Variants in ZHX1 observed in about 807,000 individuals in gnomAD.
The protein encoded by ZHX1 is zinc fingers and homeoboxes 1.
ZHX1 carries 20 observed loss-of-function variants against 61.8 expected under a neutral mutation model. That is an observed-to-expected ratio of 0.32 (90% CI 0.23 to 0.47). The LOEUF (loss-of-function observed/expected upper bound fraction) is 0.47. Ranked by LOEUF, ZHX1 falls within the 20% of genes least tolerant of loss-of-function variation. ZHX1 has a pLI of 1.00. For missense variants in ZHX1, 800 were observed against 1,034.8 expected (o/e 0.77, Z 3.11); for synonymous variants, 318 against 352.6 (o/e 0.90, Z 1.10).
chr8:123,270,785 CA>C (rs57900168), intron 1 of ZHX1, among the ~76,000 whole-genome samples: 2,460 of 58,036 alleles, frequency 0.042, 36 homozygotes, highest in African/African-American at 0.1. Flanking sequence ...GACCCCGTCT[CA>C]AAAAAAAAAA....
At chr8:123,271,846 AC>A (rs1323925119) in intron 1 of ZHX1, among the ~76,000 whole-genome samples, 7 of 152,256 alleles carry the variant, frequency 4.6e-5, no homozygotes, top group African/African-American at 1.4e-4. Context: ...TGCATGAACT[AC>A]CCCCCAAATC....
chr8:123,270,237 T>C (rs1826599423), intron 1 of ZHX1, among the ~76,000 whole-genome samples: 1 of 151,974 alleles, frequency 6.6e-6, no homozygotes, highest in Non-Finnish European at 1.5e-5. Flanking sequence ...TGCTTAGAAA[T>C]ATCAGAACCT....
upstream of ZHX1, among the ~76,000 whole-genome samples, chr8:123,275,160 A>G (rs989327901): frequency 6.6e-6 from 1 of 152,234 alleles, no homozygotes; most frequent in Non-Finnish European, 1.5e-5. Context: ...CTTCTGTCCG[A>G]GTCGAGGGCT....
intron 2 of ZHX1, 123 bp downstream of exon 2, chr8:123,267,150 G>A (rs1826484967): frequency 5.2e-6 from 4 of 768,138 alleles, no homozygotes. Flanking sequence ...AAAGTGTTAA[G>A]CATATGTCTG....
At chr8:123,272,773 T>G (rs543508587) in intron 1 of ZHX1, among the ~76,000 whole-genome samples, 1 of 152,184 alleles carries the variant, frequency 6.6e-6, no homozygotes, top group African/African-American at 2.4e-5. Flanking sequence ...CCAAACCAAA[T>G]ATTCACTGTT....
intron 2 of ZHX1, among the ~76,000 whole-genome samples, chr8:123,260,588 A>T (rs1586827646): frequency 6.6e-6 from 1 of 150,820 alleles, no homozygotes; most frequent in South Asian, 2.1e-4. Flanking sequence ...ACAGAGCAAC[A>T]CTCCATCTCA....
At chr8:123,251,930 G>C (rs933848669) in intron 3 of ZHX1, among the ~76,000 whole-genome samples, 3 of 152,136 alleles carry the variant, frequency 2.0e-5, no homozygotes, top group South Asian at 2.1e-4. Context: ...TTGCCAAGCA[G>C]TAAGAATAGT....
chr8:123,266,007 C>T (rs1370068477), intron 2 of ZHX1, among the ~76,000 whole-genome samples: 1 of 152,130 alleles, frequency 6.6e-6, no homozygotes. Context: ...CAAGCTCTGA[C>T]CACAGATTTG....
rs1826492603 is a variant in ZHX1, at chr8:123,267,401, T to C, written c.-339-15A>G. The C allele has an allele frequency of 1.3e-6, 1 of 780,142 alleles. No homozygotes were observed. Among genetic ancestry groups the C allele is most frequent in the African/African-American group, 1.8e-5 (1 of 57,084 alleles). The allele number at this position is 780,142 out of a possible 1,614,324, so 48.3% of individuals were successfully genotyped here. The stretch of plus-strand genomic sequence containing the variant: ...TCTGTCTTCTCCTACAAAAAAGTCA[T>C]ATTTTATTATTCTAGATATAATTTA... On this transcript the variant is annotated splice_polypyrimidine_tract_variant and intron_variant, in intron 1 of 3. Coordinates refer to ENST00000395571, the MANE Select transcript of ZHX1 (RefSeq NM_007222.5).
rs1363971121 is a variant in ZHX1 at position 123,249,596 on chromosome 8, A to C, written c.*728T>G. The stretch of plus-strand genomic sequence containing the variant: ...CAGTTTCTTTTCCTTCTTCAGAATT[A>C]ATTTCCTGCAGTTTAATAAAAAGCA... On this transcript the variant is annotated 3_prime_UTR_variant, in exon 4 of 4. Coordinates refer to ENST00000395571, the MANE Select transcript of ZHX1 (RefSeq NM_007222.5). 2 of 152,152 alleles carry C rather than the reference A, an allele frequency of 1.3e-5. No individual in the cohort carries two copies. The highest frequency in any genetic ancestry group is 4.8e-5 in the African/African-American group (2 of 41,452). 9.4% of individuals were successfully genotyped at this position (152,152 alleles called of 1,614,324 possible). A position where few individuals can be genotyped will look rare whatever the true frequency, so the allele number is the denominator to read the frequency against.
chr8:123,252,541 A>G (rs1825947710), intron 3 of ZHX1: 2 of 152,238 alleles, frequency 1.3e-5, no homozygotes, highest in Admixed American at 6.5e-5. Context: ...GAATGAAAAG[A>G]TATTTTAAGC....
chr8:123,264,750 G>C (rs964986550), intron 2 of ZHX1, among the ~76,000 whole-genome samples: 11 of 150,930 alleles, frequency 7.3e-5, no homozygotes, highest in African/African-American at 2.7e-4. Context: ...TAGTAGAGAC[G>C]GGGTTTCACC....
rs369760371 is a variant in ZHX1, at chr8:123,253,955, T to C, written c.1992A>G (p.Ile664Met). 1.8e-5 allele frequency: 29 copies of C among 1,614,078 alleles called. No homozygotes were observed. The highest frequency in any genetic ancestry group is 1.6e-4 in the African/African-American group (12 of 74,928). The stretch of plus-strand genomic sequence containing the variant: ...GCAGCTGCTCAGGTGTTTTTTTACA[T>C]ATCTTGCCTGTACTCCCTGACTTAG... The part of the protein sequence containing the change: ...GAPKSGSTGK[I>M]CKKTPEQLHM... Residue 664 changes from isoleucine to methionine, a missense_variant, in exon 3 of 4, where the codon ATA (isoleucine) becomes ATG (methionine). Transcript: ENST00000395571.
chr8:123,268,342 A>G (rs962236570), intron 1 of ZHX1, among the ~76,000 whole-genome samples: 5 of 152,226 alleles, frequency 3.3e-5, no homozygotes, highest in African/African-American at 9.6e-5. Flanking sequence ...TAAACAGAAA[A>G]TAATTCTCTG....
intron 3 of ZHX1, 71 bp downstream of exon 3, chr8:123,253,251 C>A: frequency 7.7e-7 from 1 of 1,299,428 alleles, no homozygotes; most frequent in Non-Finnish European, 1.0e-6. Flanking sequence ...ATGACTGATA[C>A]AACAAGGTGA....
At position 123,248,605 on chromosome 8, in the gene ZHX1, T is replaced by C. The variant is rs1400430558; in HGVS notation, c.*1719A>G. The stretch of plus-strand genomic sequence containing the variant: ...CTATAAAAGAGATGAGGGAAATTAA[T>C]AGTTATATACAGCTACACAGAGTTA... On this transcript the variant is annotated 3_prime_UTR_variant, in exon 4 of 4. Coordinates refer to ENST00000395571, the MANE Select transcript of ZHX1 (RefSeq NM_007222.5). 1.3e-5 allele frequency: 2 copies of C among 152,516 alleles called. No individual in the cohort carries two copies. Among genetic ancestry groups the C allele is most frequent in the Admixed American group, 1.3e-4 (2 of 15,258 alleles). The allele number at this position is 152,516 out of a possible 1,614,324, so 9.4% of individuals were successfully genotyped here.
chr8:123,250,011 A>C lies in ZHX1; in HGVS notation c.*313T>G. On this transcript the variant is annotated 3_prime_UTR_variant, in exon 4 of 4. Transcript: ENST00000395571. ...GAGGACAAGCTCTAGTGGTCATTAA[A>C]CCCCCTCAGAAAGTCTAAGATTCAG... is the stretch of plus-strand genomic sequence containing the variant. The C allele has an allele frequency of 9.6e-6, 3 of 311,270 alleles. No homozygotes were observed. The highest frequency in any genetic ancestry group is 1.3e-5 in the Non-Finnish European group (2 of 159,696). The allele number at this position is 311,270 out of a possible 1,614,324, so 19.3% of individuals were successfully genotyped here.
At position 123,249,155 on chromosome 8, in the gene ZHX1, C is replaced by T. The variant is rs1041622558; in HGVS notation, c.*1169G>A. 1 of 152,546 alleles carries T rather than the reference C, an allele frequency of 6.6e-6. No homozygotes were observed. Among genetic ancestry groups the T allele is most frequent in the Non-Finnish European group, 1.5e-5 (1 of 67,994 alleles). The allele number at this position is 152,546 out of a possible 1,614,324, so 9.4% of individuals were successfully genotyped here. On this transcript the variant is annotated 3_prime_UTR_variant, in exon 4 of 4. Transcript: ENST00000395571. ...ATGTTAAAATCCAAAGCTAATTAAACTGAACATTTCTTCTACGAAGAAAGC... is the reference window on the plus strand; with the variant it reads ...ATGTTAAAATCCAAAGCTAATTAAATTGAACATTTCTTCTACGAAGAAAGC...
Position 123,262,543 on chromosome 8 carries a change from C to T in ZHX1, c.-226+4730G>A, listed in dbSNP as rs371521952. On this transcript the variant is annotated intron_variant, in intron 2 of 3. Transcript: ENST00000395571. ...TTCCTTTTTAGGGAGAACAGAGTCC[C>T]GTTACGTTGCCCAGGCTGGTCTTGA... Among the ~76,000 whole-genome samples the T allele has an allele frequency of 5.9e-5, 9 of 152,176 alleles. No individual in the cohort carries two copies. In the East Asian group the frequency reaches 9.7e-4, roughly 16 times the overall value.
Sources: allele counts gnomAD v4.1 joint callset (sites outside exome capture counted in the v4.1 genomes callset), GRCh38; gene constraint gnomAD v4.1.1; transcripts MANE v1.5; gene names NCBI Gene and HGNC (gene_info 2026-07-23, HGNC 2026-07-21).